Variants in EBF2 observed in about 807,000 individuals in gnomAD.
The protein encoded by EBF2 is transcription factor COE2.
In EBF2, 21 loss-of-function variants were observed where a neutral mutation model predicts 72.8. That is an observed-to-expected ratio of 0.29 (90% CI 0.20 to 0.42). EBF2 has a LOEUF of 0.42. Among genes scored for constraint, EBF2 ranks in the 10% least tolerant of loss-of-function variants. The pLI is 1.00. For missense variants in EBF2, 637 were observed against 731.2 expected (o/e 0.87, Z 1.49); for synonymous variants, 299 against 274.2 (o/e 1.09, Z -0.89).
intron 6 of EBF2, among the ~76,000 whole-genome samples, chr8:25,982,186 T>G: frequency 6.6e-6 from 1 of 152,220 alleles, no homozygotes; most frequent in East Asian, 1.9e-4. Context: ...CAAAAACAGT[T>G]GAAGTTCTTC....
intron 6 of EBF2, among the ~76,000 whole-genome samples, chr8:25,915,402 T>C (rs1803196729): frequency 6.6e-6 from 1 of 151,316 alleles, no homozygotes; most frequent in Non-Finnish European, 1.5e-5. Context: ...AAGAGTGGAG[T>C]CCTTCATGTT....
At chr8:25,896,690 A>G (rs1301118427) in intron 7 of EBF2, among the ~76,000 whole-genome samples, 2 of 152,164 alleles carry the variant, frequency 1.3e-5, no homozygotes, top group Non-Finnish European at 2.9e-5. Context: ...ATCAAGACAG[A>G]CTTCTGGCTA....
chr8:25,962,935 C>T lies in EBF2; in HGVS notation c.552-54380G>A, dbSNP rs181672481. Among the ~76,000 whole-genome samples, 507 of 152,298 alleles carry T rather than the reference C, an allele frequency of 3.3e-3. 2 individuals carry two copies. Among genetic ancestry groups the T allele is most frequent in the African/African-American group, 0.012 (483 of 41,574 alleles). On this transcript the variant is annotated intron_variant, in intron 6 of 15. Coordinates refer to ENST00000520164, the MANE Select transcript of EBF2 (RefSeq NM_022659.4). ...TCATCACCAGATTGCAAGGTCCTCG[C>T]ATTACAAAGTGGCTGACAGGAATCA...
chr8:26,021,561 C>T (rs952622444), intron 6 of EBF2, among the ~76,000 whole-genome samples: 2 of 152,126 alleles, frequency 1.3e-5, no homozygotes, highest in African/African-American at 4.8e-5. Flanking sequence ...ATACAAGATG[C>T]TCAGTTAATT....
intron 6 of EBF2, among the ~76,000 whole-genome samples, chr8:26,013,539 T>C (rs571751912): frequency 7.9e-4 from 120 of 152,178 alleles, no homozygotes; most frequent in Non-Finnish European, 1.0e-3. Flanking sequence ...CTCTCCTTAA[T>C]TAAGGCAGAA....
Position 26,044,601 on chromosome 8 carries a change from G to T in EBF2, c.131+128C>A, listed in dbSNP as rs4872388. The T allele has an allele frequency of 0.16, 223,965 of 1,373,744 alleles. 20,841 individuals carry two copies. The highest frequency in any genetic ancestry group is 0.36 in the East Asian group (15,730 of 43,118). The allele number at this position is 1,373,744 out of a possible 1,614,324, so 85.1% of individuals were successfully genotyped here. Reference sequence around the variant, plus strand: ...CTTGCCCGAGGGCGAGCCCCAGCGCGCAGGGCCTGGGCGACAGATGGGGGG... The same window carrying T: ...CTTGCCCGAGGGCGAGCCCCAGCGCTCAGGGCCTGGGCGACAGATGGGGGG... On this transcript the variant is annotated intron_variant, in intron 1 of 15. Transcript: ENST00000520164. The surrounding 1 kb of genome is among the most constrained non-coding windows in gnomAD (Gnocchi z 4.1).
At chr8:26,026,761 C>G (rs1805307944) in intron 6 of EBF2, among the ~76,000 whole-genome samples, 1 of 152,164 alleles carries the variant, frequency 6.6e-6, no homozygotes, top group African/African-American at 2.4e-5. Flanking sequence ...CAGCTCTTAA[C>G]TCTGCAGTTT....
chr8:25,984,826 G>C (rs1804421524), intron 6 of EBF2, among the ~76,000 whole-genome samples: 1 of 151,664 alleles, frequency 6.6e-6, no homozygotes, highest in Non-Finnish European at 1.5e-5. Context: ...GATTTTTACA[G>C]AGTGAGATCT....
intron 15 of EBF2, 27 bp from the exon 16 acceptor site, chr8:25,844,667 G>A: frequency 6.2e-7 from 1 of 1,613,876 alleles, no homozygotes; most frequent in Middle Eastern, 1.7e-4. Flanking sequence ...GCACAGGAAT[G>A]AGACTTGGGG....
intron 10 of EBF2, among the ~76,000 whole-genome samples, chr8:25,883,696 A>G (rs981805297): frequency 6.6e-6 from 1 of 151,970 alleles, no homozygotes; most frequent in Non-Finnish European, 1.5e-5. Context: ...ACTGATTGAG[A>G]TTGTTCTTTA....
chr8:26,029,103 G>A (rs1805350932), intron 6 of EBF2, among the ~76,000 whole-genome samples: 1 of 152,236 alleles, frequency 6.6e-6, no homozygotes, highest in Admixed American at 6.5e-5. Context: ...GAGAAGTGGA[G>A]AACTAAGTCC....
rs376650639 is a variant in EBF2 at position 26,041,020 on chromosome 8, G to A, written c.289-18C>T. On this transcript the variant is annotated intron_variant, in intron 2 of 15. Transcript: ENST00000520164. ...CCTTGTTCCTGAAAAGACAGGCAGC[G>A]TTCGATTCCCTTGCCTTTCAGCCCC... The A allele has an allele frequency of 1.7e-5, 27 of 1,613,810 alleles. No individual in the cohort carries two copies. The African/African-American group carries it at 1.7e-4, about 10-fold the overall frequency.
At position 25,850,768 on chromosome 8, in the gene EBF2, A is replaced by G; in HGVS notation, c.1529-7T>C. On this transcript the variant is annotated splice_region_variant and splice_polypyrimidine_tract_variant and intron_variant, in intron 14 of 15. Coordinates refer to ENST00000520164, the MANE Select transcript of EBF2 (RefSeq NM_022659.4). Reference sequence around the variant, plus strand: ...GTGGGACTTGATGACATGACTGGAAAGCAAATGCACAATCCTCATTTAGAA... The same window carrying G: ...GTGGGACTTGATGACATGACTGGAAGGCAAATGCACAATCCTCATTTAGAA... The G allele has an allele frequency of 6.4e-7, 1 of 1,558,094 alleles. No individual in the cohort carries two copies. Among genetic ancestry groups the G allele is most frequent in the Non-Finnish European group, 8.6e-7 (1 of 1,159,808 alleles).
At chr8:26,004,259 A>C (rs777317303) in intron 6 of EBF2, among the ~76,000 whole-genome samples, 13 of 152,198 alleles carry the variant, frequency 8.5e-5, no homozygotes, top group Non-Finnish European at 1.5e-4. Context: ...TCTGTCTCTA[A>C]ACTGGCTAAA....
chr8:25,937,556 G>A (rs1320852370), intron 6 of EBF2, among the ~76,000 whole-genome samples: 1 of 152,058 alleles, frequency 6.6e-6, no homozygotes. Context: ...TATTGACATG[G>A]GCGATGGGGC....
chr8:25,889,678 T>C, intron 8 of EBF2, 74 bp downstream of exon 8: 1 of 1,202,714 alleles, frequency 8.3e-7, no homozygotes. Context: ...CTCCAAGACA[T>C]AAATTTGAAG....
chr8:25,937,938 A>G (rs1231810600), intron 6 of EBF2, among the ~76,000 whole-genome samples: 1 of 152,154 alleles, frequency 6.6e-6, no homozygotes, highest in Non-Finnish European at 1.5e-5. Flanking sequence ...CTTTACCTCC[A>G]TACTACAGAG....
intron 6 of EBF2, among the ~76,000 whole-genome samples, chr8:25,971,265 C>T (rs1408034100): frequency 3.3e-5 from 5 of 152,150 alleles, no homozygotes; most frequent in African/African-American, 4.8e-5. Context: ...TCCTTGGCAG[C>T]GTGTCCAGAA....
Position 25,881,476 on chromosome 8 carries a change from A to C in EBF2, c.1009+5279T>G, listed in dbSNP as rs144814780. Among the ~76,000 whole-genome samples, 75 of 152,326 alleles carry C rather than the reference A, an allele frequency of 4.9e-4. No individual in the cohort carries two copies. In the East Asian group the frequency reaches 0.014, roughly 29 times the overall value. ...TCCTAAACAACTCCTTTTAGTCCTC[A>C]TCAGGTTTGCAATTCCTTGTTTAAG... is the stretch of plus-strand genomic sequence containing the variant. On this transcript the variant is annotated intron_variant, in intron 10 of 15. Coordinates refer to ENST00000520164, the MANE Select transcript of EBF2 (RefSeq NM_022659.4).
Sources: allele counts gnomAD v4.1 joint callset (sites outside exome capture counted in the v4.1 genomes callset), GRCh38; gene constraint gnomAD v4.1.1; non-coding constraint Gnocchi (gnomAD v3.1); transcripts MANE v1.5; gene names NCBI Gene and HGNC (gene_info 2026-07-23, HGNC 2026-07-21).